CADM1: variants seen among roughly 807,000 people sequenced by gnomAD.
CADM1 encodes the protein cell adhesion molecule 1.
Under a neutral mutation model 53.1 loss-of-function variants are expected in CADM1, and 15 were observed. That is an observed-to-expected ratio of 0.28 (90% CI 0.19 to 0.44). CADM1 has a LOEUF of 0.44. CADM1 is among the 20% of genes least tolerant of loss of function. CADM1 has a pLI of 1.00. For synonymous variants in CADM1, 281 were observed against 243.0 expected (o/e 1.16, Z -1.45); for missense variants, 434 against 611.3 (o/e 0.71, Z 3.06).
chr11:115,408,050 G>C (rs1211902515), intron 1 of CADM1, among the ~76,000 whole-genome samples: 1 of 151,742 alleles, frequency 6.6e-6, no homozygotes, highest in African/African-American at 2.4e-5. Flanking sequence ...TTTGCCTGTA[G>C]GCTCAGAAAC....
At chr11:115,443,932 G>A (rs60609927) in intron 1 of CADM1, among the ~76,000 whole-genome samples, 18,077 of 152,198 alleles carry the variant, frequency 0.12, 1,433 homozygotes, top group Non-Finnish European at 0.17. Flanking sequence ...TCACTTTAAG[G>A]CAGGAGACAA....
rs73572972 is a variant in CADM1, at chr11:115,368,408, T to C, written c.125-127988A>G. Among the ~76,000 whole-genome samples the C allele has an allele frequency of 8.5e-3, 1,290 of 152,160 alleles. 18 individuals carry two copies. The highest frequency in any genetic ancestry group is 0.028 in the African/African-American group (1,151 of 41,476). Reference sequence around the variant, plus strand: ...AAATTTGTGTTAAATCTTTCTTCTTTATAAATCTGATTTTACCAGTAACTT... The same window carrying C: ...AAATTTGTGTTAAATCTTTCTTCTTCATAAATCTGATTTTACCAGTAACTT... On this transcript the variant is annotated intron_variant, in intron 1 of 11. Coordinates refer to ENST00000331581, the MANE Select transcript of CADM1 (RefSeq NM_001301043.2).
intron 1 of CADM1, among the ~76,000 whole-genome samples, chr11:115,313,259 C>G (rs12292474): frequency 0.15 from 23,254 of 152,012 alleles, 2,131 homozygotes; most frequent in African/African-American, 0.24. Flanking sequence ...GAAGAAATCA[C>G]AAATCTACAA....
At chr11:115,484,819 C>T (rs1461648162) in intron 1 of CADM1, among the ~76,000 whole-genome samples, 3 of 151,724 alleles carry the variant, frequency 2.0e-5, no homozygotes, top group Non-Finnish European at 2.9e-5. Context: ...TGGTGGCGGG[C>T]GCCTGTAGTC....
intron 7 of CADM1, among the ~76,000 whole-genome samples, chr11:115,211,469 C>G (rs1475284215): frequency 7.8e-6 from 1 of 128,016 alleles, no homozygotes; most frequent in Non-Finnish European, 1.6e-5. Flanking sequence ...TACTATAATC[C>G]TATTTCTTTT....
At chr11:115,225,485 A>G (rs2134823537) in intron 5 of CADM1, among the ~76,000 whole-genome samples, 1 of 152,316 alleles carries the variant, frequency 6.6e-6, no homozygotes, top group East Asian at 1.9e-4. Flanking sequence ...AGGATTATTA[A>G]AAGTATGACA....
chr11:115,502,214 C>T (rs966558262), intron 1 of CADM1, among the ~76,000 whole-genome samples: 1 of 151,530 alleles, frequency 6.6e-6, no homozygotes, highest in Non-Finnish European at 1.5e-5. Context: ...AATGAGCAGT[C>T]TTGACAGGGG....
At chr11:115,414,515 TAATA>T (rs1404323327) in intron 1 of CADM1, among the ~76,000 whole-genome samples, 2 of 151,944 alleles carry the variant, frequency 1.3e-5, no homozygotes, top group African/African-American at 4.8e-5. Context: ...TAAAAAAAAA[TAATA>T]AATAATAAAT....
intron 1 of CADM1, among the ~76,000 whole-genome samples, chr11:115,313,244 A>G (rs1376775370): frequency 2.0e-5 from 3 of 152,164 alleles, no homozygotes; most frequent in Non-Finnish European, 4.4e-5. Context: ...ATCTTCCCAA[A>G]TGAAGAAGAA....
intron 8 of CADM1, among the ~76,000 whole-genome samples, chr11:115,208,746 G>A (rs528502177): frequency 6.4e-4 from 98 of 152,288 alleles, no homozygotes; most frequent in Non-Finnish European, 1.2e-3. Context: ...TGGACATAGT[G>A]TGGCCAGAAG....
At chr11:115,478,257 T>C (rs1249261351) in intron 1 of CADM1, among the ~76,000 whole-genome samples, 1 of 151,638 alleles carries the variant, frequency 6.6e-6, no homozygotes, top group Non-Finnish European at 1.5e-5. Flanking sequence ...AAAGACAAAG[T>C]CCATCAAAGC....
At chr11:115,340,643 TATATATA>T (rs1945409212) in intron 1 of CADM1, among the ~76,000 whole-genome samples, 1 of 33,482 alleles carries the variant, frequency 3.0e-5, no homozygotes, top group African/African-American at 9.9e-5. Context: ...TATATATATA[TATATATA>T]TATATATATT....
chr11:115,356,590 A>G lies in CADM1; in HGVS notation c.125-116170T>C, dbSNP rs149893316. 7.8e-3 allele frequency among the ~76,000 whole-genome samples: 1,182 copies of G among 152,272 alleles called. 58 individuals are homozygous for G. Among genetic ancestry groups the G allele is most frequent in the East Asian group, 6.9e-3 (36 of 5,186 alleles). On this transcript the variant is annotated intron_variant, in intron 1 of 11. Coordinates refer to ENST00000331581, the MANE Select transcript of CADM1 (RefSeq NM_001301043.2). ...AATCAGTGGTATATTCCATATCCTT[A>G]TAAGGGATTTTTTTTAAATGTGGCT...
rs1256210017 is a variant in CADM1, at chr11:115,259,132, C to T, written c.125-18712G>A. Among the ~76,000 whole-genome samples, 7 of 151,828 alleles carry T rather than the reference C, an allele frequency of 4.6e-5. No individual in the cohort carries two copies. The East Asian group carries it at 7.7e-4, about 17-fold the overall frequency. On this transcript the variant is annotated intron_variant, in intron 1 of 11. Coordinates refer to ENST00000331581, the MANE Select transcript of CADM1 (RefSeq NM_001301043.2). ...TCCCAAGTAGCTGGGACTATAGAAG[C>T]GTGCCACCACGCCCAGCTAATTTTT... is the stretch of plus-strand genomic sequence containing the variant.
intron 1 of CADM1, among the ~76,000 whole-genome samples, chr11:115,408,609 T>A (rs1368226279): frequency 1.3e-5 from 2 of 152,214 alleles, no homozygotes; most frequent in African/African-American, 4.8e-5. Context: ...GCTTTTACTA[T>A]GCCATATTAC....
intron 1 of CADM1, among the ~76,000 whole-genome samples, chr11:115,266,967 T>C (rs1591655324): frequency 1.3e-5 from 2 of 152,270 alleles, no homozygotes; most frequent in Admixed American, 6.5e-5. Flanking sequence ...TCTGCGATTA[T>C]GGGTTTTCTC....
At chr11:115,407,120 T>C (rs1324973249) in intron 1 of CADM1, among the ~76,000 whole-genome samples, 1 of 152,116 alleles carries the variant, frequency 6.6e-6, no homozygotes, top group Non-Finnish European at 1.5e-5. Context: ...GGATTAACTG[T>C]AATGATTCAC....
intron 1 of CADM1, among the ~76,000 whole-genome samples, chr11:115,270,041 C>G (rs1355197290): frequency 6.6e-6 from 1 of 152,214 alleles, no homozygotes; most frequent in Non-Finnish European, 1.5e-5. Context: ...GTGCAGGCGT[C>G]AACTCCCACT....
chr11:115,473,215 T>C (rs915128703), intron 1 of CADM1, among the ~76,000 whole-genome samples: 6 of 152,140 alleles, frequency 3.9e-5, no homozygotes, highest in Non-Finnish European at 7.3e-5. Context: ...TCCCAACACT[T>C]TGGGAGGCCA....
Sources: allele counts gnomAD v4.1 joint callset (sites outside exome capture counted in the v4.1 genomes callset), GRCh38; gene constraint gnomAD v4.1.1; transcripts MANE v1.5; gene names NCBI Gene and HGNC (gene_info 2026-07-23, HGNC 2026-07-21).